Variants in HIVEP3 observed in about 807,000 individuals in gnomAD.
HIVEP3 encodes transcription factor HIVEP3.
Under a neutral mutation model 152.8 loss-of-function variants are expected in HIVEP3, and 49 were observed. The observed-to-expected ratio is 0.32, with a 90% CI of 0.26 to 0.41. HIVEP3 has a LOEUF of 0.41. Among genes scored for constraint, HIVEP3 ranks in the 10% least tolerant of loss-of-function variants. The pLI is 1.00. For synonymous variants in HIVEP3, 1,269 were observed against 1,289.0 expected, an observed-to-expected ratio of 0.98 and a Z score of 0.33; for missense variants, 2,790 against 3,103.3, an observed-to-expected ratio of 0.90 and a Z score of 2.40.
At chr1:41,782,298 G>A (rs1649090644) in intron 1 of HIVEP3, among the ~76,000 whole-genome samples, 1 of 152,248 alleles carries the variant, frequency 6.6e-6, no homozygotes, top group Non-Finnish European at 1.5e-5. Flanking sequence ...GTGATTGCCA[G>A]GGGCTGTGGG....
chr1:41,604,311 T>C (rs1366454347), intron 3 of HIVEP3, among the ~76,000 whole-genome samples: 1 of 152,178 alleles, frequency 6.6e-6, no homozygotes, highest in East Asian at 1.9e-4. Context: ...AAATAAATTG[T>C]GGTATATTCA....
In HIVEP3 at chr1:41,510,464, G is replaced by T. The variant is rs771302738; in HGVS notation, c.7208C>A (p.Pro2403His). The change falls in exon 9 of 9, where the codon CCC (proline) becomes CAC (histidine). Residue 2403 changes from proline to histidine, a missense_variant. Pro to His is a moderately conservative substitution (Grantham distance 77, BLOSUM62 -2). Around this residue, in one of 9 missense-constraint regions of HIVEP3, gnomAD observed 816 missense variants for 806.5 expected, o/e 1.01. Transcript: ENST00000372583. Reference sequence around the variant, plus strand: ...GTTGGAGAGAGGCTAAGCGTTGGGGGGAACCCTGTCCTCAGGCTGATGTGG... The same window carrying T: ...GTTGGAGAGAGGCTAAGCGTTGGGGTGAACCCTGTCCTCAGGCTGATGTGG... ...AHPHQPEDRV[P>H]PNA is the part of the protein sequence containing the mutation. The T allele has an allele frequency of 2.9e-5, 43 of 1,504,238 alleles. No individual in the cohort carries two copies. Among genetic ancestry groups the T allele is most frequent in the African/African-American group, 1.7e-4 (12 of 70,794 alleles). 93.2% of individuals were successfully genotyped at this position (1,504,238 alleles called of 1,614,324 possible). A position where few individuals can be genotyped will look rare whatever the true frequency, so the allele number is the denominator to read the frequency against.
chr1:41,707,675 G>A (rs1443587105), intron 1 of HIVEP3, among the ~76,000 whole-genome samples: 12 of 152,216 alleles, frequency 7.9e-5, no homozygotes, highest in Non-Finnish European at 1.5e-5. Context: ...TCTTGGGTCA[G>A]ATTTGAATCC....
At chr1:41,844,397 C>T (rs1211810754) in intron 1 of HIVEP3, among the ~76,000 whole-genome samples, 2 of 152,184 alleles carry the variant, frequency 1.3e-5, no homozygotes, top group East Asian at 1.9e-4. Context: ...AAGAGGGAGA[C>T]ACAAGTAGCA....
intron 3 of HIVEP3, among the ~76,000 whole-genome samples, chr1:41,624,938 GAT>G (rs1300523587): frequency 9.2e-5 from 14 of 152,256 alleles, no homozygotes; most frequent in African/African-American, 2.4e-4. Flanking sequence ...GGCCGAGGTG[GAT>G]GGATCACAAG....
chr1:41,893,115 C>A (rs111641630), intron 1 of HIVEP3, among the ~76,000 whole-genome samples: 44 of 132,456 alleles, frequency 3.3e-4, no homozygotes, highest in African/African-American at 1.3e-3. Flanking sequence ...AAAGCAAGAT[C>A]TCGTCTCAAA....
At chr1:41,740,591 C>T (rs1241261557) in intron 1 of HIVEP3, among the ~76,000 whole-genome samples, 1 of 152,200 alleles carries the variant, frequency 6.6e-6, no homozygotes, top group Non-Finnish European at 1.5e-5. Flanking sequence ...GGCATGTGTC[C>T]TTCATATTTA....
At chr1:41,937,482 A>G (rs1442331511) in intron 1 of HIVEP3, among the ~76,000 whole-genome samples, 1 of 152,246 alleles carries the variant, frequency 6.6e-6, no homozygotes, top group Non-Finnish European at 1.5e-5. Flanking sequence ...CCAAAATGGT[A>G]GCCACTAGCC....
At chr1:41,565,527 G>GAC (rs56139506) in intron 5 of HIVEP3, among the ~76,000 whole-genome samples, 7,809 of 137,312 alleles carry the variant, frequency 0.057, 276 homozygotes, top group African/African-American at 0.1. Flanking sequence ...AAAACTGAAA[G>GAC]ACACACACAC....
intron 3 of HIVEP3, among the ~76,000 whole-genome samples, chr1:41,622,559 C>A (rs1445267212): frequency 5.3e-5 from 8 of 152,180 alleles, no homozygotes; most frequent in Non-Finnish European, 1.2e-4. Flanking sequence ...TACATATTAT[C>A]TGTGGTTGCT....
chr1:41,814,893 A>G (rs1023759100), intron 1 of HIVEP3, among the ~76,000 whole-genome samples: 1 of 152,244 alleles, frequency 6.6e-6, no homozygotes, highest in East Asian at 1.9e-4. Context: ...TGTAAAAGGC[A>G]TACACGTTAT....
chr1:41,780,176 G>T (rs373389457), intron 1 of HIVEP3, among the ~76,000 whole-genome samples: 5 of 152,020 alleles, frequency 3.3e-5, no homozygotes, highest in Non-Finnish European at 7.4e-5. Context: ...GGGTCTCAAA[G>T]TGGGGGCCAA....
At chr1:41,726,017 G>C (rs1182204798) in intron 1 of HIVEP3, among the ~76,000 whole-genome samples, 1 of 152,138 alleles carries the variant, frequency 6.6e-6, no homozygotes, top group Non-Finnish European at 1.5e-5. Context: ...CTGCAATCAG[G>C]AACCTTGGCA....
At chr1:41,953,777 A>C (rs2124493114) in intron 1 of HIVEP3, among the ~76,000 whole-genome samples, 1 of 152,350 alleles carries the variant, frequency 6.6e-6, no homozygotes, top group East Asian at 1.9e-4. Flanking sequence ...AGGAGATGCA[A>C]GAGAGGGAGA....
intron 4 of HIVEP3, 64 bp downstream of exon 4, chr1:41,579,673 C>T: frequency 2.7e-6 from 4 of 1,506,852 alleles, no homozygotes; most frequent in Non-Finnish European, 3.5e-6. Flanking sequence ...GATACTGTGG[C>T]TTTAAAAGCT....
chr1:41,542,068 C>A (rs910415282), intron 5 of HIVEP3: 1 of 152,246 alleles, frequency 6.6e-6, no homozygotes, highest in Non-Finnish European at 1.5e-5. Context: ...GCCTTGATAG[C>A]ACTCATTACA....
At chr1:41,754,319 G>A (rs1647223638) in intron 1 of HIVEP3, among the ~76,000 whole-genome samples, 1 of 152,102 alleles carries the variant, frequency 6.6e-6, no homozygotes. Flanking sequence ...TCTGGGTGGT[G>A]AAGAGACTCC....
chr1:41,787,579 G>A (rs1649431118), intron 1 of HIVEP3, among the ~76,000 whole-genome samples: 1 of 146,966 alleles, frequency 6.8e-6, no homozygotes, highest in Admixed American at 6.8e-5. Flanking sequence ...TGTTGCCCAG[G>A]CTGGAGTGCA....
At chr1:42,026,718 T>C (rs945033271) in intron 1 of HIVEP3, among the ~76,000 whole-genome samples, 20 of 152,284 alleles carry the variant, frequency 1.3e-4, no homozygotes, top group Non-Finnish European at 1.5e-4. Flanking sequence ...CCTACAAATA[T>C]GGCAGCCTGC....
Sources: allele counts gnomAD v4.1 joint callset (sites outside exome capture counted in the v4.1 genomes callset), GRCh38; gene constraint gnomAD v4.1.1; regional missense constraint gnomAD v4.1.1; transcripts MANE v1.5; gene names NCBI Gene and HGNC (gene_info 2026-07-23, HGNC 2026-07-21).